Variants in KCNB2 observed in about 807,000 individuals in gnomAD.
The protein encoded by KCNB2 is delayed rectifier potassium channel protein.
Under a neutral mutation model 61.5 loss-of-function variants are expected in KCNB2, and 15 were observed. The ratio of observed to expected loss-of-function variants is 0.24; its 90% CI spans 0.16 to 0.38. KCNB2 has a LOEUF of 0.38. Among genes scored for constraint, KCNB2 ranks in the 10% least tolerant of loss-of-function variants. The probability of loss-of-function intolerance (pLI) is 1.00; values close to 1 mark genes in which losing one functional copy is unlikely to be tolerated. For synonymous variants in KCNB2, 457 were observed against 446.0 expected, an observed-to-expected ratio of 1.02 and a Z score of -0.31; for missense variants, 828 against 1,125.2, an observed-to-expected ratio of 0.74 and a Z score of 3.78.
intron 2 of KCNB2, among the ~76,000 whole-genome samples, chr8:72,884,816 A>G (rs577316925): frequency 6.6e-6 from 1 of 152,288 alleles, no homozygotes; most frequent in African/African-American, 2.4e-5. Flanking sequence ...TTAGTCACCA[A>G]GACTTCATAA....
At chr8:72,669,611 A>G (rs901380073) in intron 2 of KCNB2, among the ~76,000 whole-genome samples, 2 of 152,222 alleles carry the variant, frequency 1.3e-5, no homozygotes, top group African/African-American at 2.4e-5. Context: ...TTTTATTGTA[A>G]TGAAATCACG....
chr8:72,683,367 T>TAGAA (rs758152130), intron 2 of KCNB2, among the ~76,000 whole-genome samples: 1 of 152,174 alleles, frequency 6.6e-6, no homozygotes, highest in Non-Finnish European at 1.5e-5. Flanking sequence ...CAGGCCAGTA[T>TAGAA]AGAAAGAAAG....
chr8:72,936,129 A>C lies in KCNB2; in HGVS notation c.774A>C (p.Lys258Asn). 1 of 1,614,214 alleles carries C rather than the reference A, an allele frequency of 6.2e-7. No homozygotes were observed. The highest frequency in any genetic ancestry group is 1.1e-5 in the South Asian group (1 of 91,080). ...YLLRFLSSPN[K>N]WKFFKGPLNV... is the part of the protein sequence containing the mutation. ...TGCGATTCTTATCCTCACCAAATAA[A>C]TGGAAGTTCTTCAAAGGCCCACTGA... Residue 258 changes from lysine (K) to asparagine (N), a missense_variant, in exon 3 of 3, where the codon AAA becomes AAC. By Grantham distance (94) the Lys-to-Asn change is moderately conservative. Transcript: ENST00000523207. The surrounding 1 kb of genome is among the most constrained non-coding windows in gnomAD (Gnocchi z 5.6).
At chr8:72,639,393 C>T (rs1806017160) in intron 2 of KCNB2, among the ~76,000 whole-genome samples, 1 of 152,176 alleles carries the variant, frequency 6.6e-6, no homozygotes. Context: ...TTTCAGCTCT[C>T]ATGAAGTCAT....
Position 72,767,418 on chromosome 8 carries a change from T to C in KCNB2, c.580-168517T>C, listed in dbSNP as rs995374202. Among the ~76,000 whole-genome samples the C allele has an allele frequency of 8.5e-5, 13 of 152,140 alleles. No homozygotes were observed. The South Asian group carries it at 2.7e-3, about 32-fold the overall frequency. On this transcript the variant is annotated intron_variant, in intron 2 of 2. Coordinates refer to ENST00000523207, the MANE Select transcript of KCNB2 (RefSeq NM_004770.3). ...TGCTTATTAAAGAGTCACCTCATCCTCTCTCCCTCCCCAGCACTAGGTGAC... is the reference window on the plus strand; with the variant it reads ...TGCTTATTAAAGAGTCACCTCATCCCCTCTCCCTCCCCAGCACTAGGTGAC...
intron 2 of KCNB2, among the ~76,000 whole-genome samples, chr8:72,889,301 G>A (rs933293661): frequency 6.6e-6 from 1 of 152,168 alleles, no homozygotes; most frequent in Non-Finnish European, 1.5e-5. Context: ...GGCATTAAAG[G>A]ATAAGGTAGG....
At chr8:72,917,873 G>T (rs74942002) in intron 2 of KCNB2, among the ~76,000 whole-genome samples, 7,511 of 152,250 alleles carry the variant, frequency 0.049, 222 homozygotes, top group Non-Finnish European at 0.064. Flanking sequence ...CAGGTTGGTA[G>T]AACAGGAGGT....
At chr8:72,727,719 T>C (rs1348401172) in intron 2 of KCNB2, among the ~76,000 whole-genome samples, 1 of 152,150 alleles carries the variant, frequency 6.6e-6, no homozygotes, top group Non-Finnish European at 1.5e-5. Flanking sequence ...GGCACACAAA[T>C]TCATAGTACA....
At chr8:72,743,562 A>G (rs1808003570) in intron 2 of KCNB2, among the ~76,000 whole-genome samples, 1 of 152,242 alleles carries the variant, frequency 6.6e-6, no homozygotes, top group African/African-American at 2.4e-5. Context: ...TGTTGAACAA[A>G]TTCCAATCCA....
At chr8:72,687,131 A>G (rs1026079980) in intron 2 of KCNB2, among the ~76,000 whole-genome samples, 2 of 152,234 alleles carry the variant, frequency 1.3e-5, no homozygotes, top group Non-Finnish European at 2.9e-5. Flanking sequence ...GAATGAATTA[A>G]TATGATTCAA....
Position 72,706,821 on chromosome 8 carries a change from A to G in KCNB2, c.579+138508A>G, listed in dbSNP as rs1807233309. On this transcript the variant is annotated intron_variant, in intron 2 of 2. Transcript: ENST00000523207. ...ATTGCTTTAAATCACATACTTCTCA[A>G]AAACATATTTCCAGAAATTAACCTG... 1.3e-5 allele frequency among the ~76,000 whole-genome samples: 2 copies of G among 152,224 alleles called. 1 individual carries two copies. The highest frequency in any genetic ancestry group is 4.1e-4 in the South Asian group (2 of 4,822).
chr8:72,921,271 C>A (rs931731420), intron 2 of KCNB2, among the ~76,000 whole-genome samples: 1 of 152,134 alleles, frequency 6.6e-6, no homozygotes, highest in Non-Finnish European at 1.5e-5. Context: ...ATTCTACTCT[C>A]ATCTGTTCTA....
chr8:72,711,207 T>C (rs1460831240), intron 2 of KCNB2, among the ~76,000 whole-genome samples: 2 of 152,236 alleles, frequency 1.3e-5, no homozygotes, highest in African/African-American at 4.8e-5. Flanking sequence ...GTGGTACCTT[T>C]TGCTTCCACA....
rs142317154 is a variant in KCNB2, at chr8:72,650,489, A to T, written c.579+82176A>T. Among the ~76,000 whole-genome samples, 74 of 152,312 alleles carry T rather than the reference A, an allele frequency of 4.9e-4. No homozygotes were observed. In the East Asian group the frequency reaches 8.7e-3, roughly 18 times the overall value. ...TCATTTAATCTTTCCAACAATCTCCATATCACTGATGAAGAAACTAAGATT... is the reference window on the plus strand; with the variant it reads ...TCATTTAATCTTTCCAACAATCTCCTTATCACTGATGAAGAAACTAAGATT... On this transcript the variant is annotated intron_variant, in intron 2 of 2. Coordinates refer to ENST00000523207, the MANE Select transcript of KCNB2 (RefSeq NM_004770.3).
chr8:72,626,902 A>ATT, intron 2 of KCNB2, among the ~76,000 whole-genome samples: 1 of 152,238 alleles, frequency 6.6e-6, no homozygotes, highest in African/African-American at 2.4e-5. Context: ...AGTTTAAGAA[A>ATT]GAGGCAAGAT....
intron 2 of KCNB2, among the ~76,000 whole-genome samples, chr8:72,579,853 A>G (rs1806862750): frequency 6.6e-6 from 1 of 152,188 alleles, no homozygotes; most frequent in Non-Finnish European, 1.5e-5. Context: ...TTCTTTTCTA[A>G]CAATACTGCT....
At chr8:72,868,591 C>CA (rs969110097) in intron 2 of KCNB2, among the ~76,000 whole-genome samples, 8 of 150,890 alleles carry the variant, frequency 5.3e-5, no homozygotes, top group Middle Eastern at 3.4e-3. Context: ...ACAAAACAAA[C>CA]AAAAAAAACC....
chr8:72,760,248 C>G (rs941196461), intron 2 of KCNB2, among the ~76,000 whole-genome samples: 1 of 152,176 alleles, frequency 6.6e-6, no homozygotes, highest in Non-Finnish European at 1.5e-5. Flanking sequence ...TCTGAGCTTC[C>G]ATTCTCTTAA....
chr8:72,711,626 G>A (rs572152162), intron 2 of KCNB2, among the ~76,000 whole-genome samples: 2 of 152,340 alleles, frequency 1.3e-5, no homozygotes, highest in Admixed American at 6.5e-5. Context: ...ATGGTGCACA[G>A]GGTTCCTGAC....
Sources: gnomAD v4.1 joint callset for allele counts (sites outside exome capture counted in the v4.1 genomes callset) on GRCh38, gnomAD v4.1.1 for gene constraint, Gnocchi (gnomAD v3.1) non-coding constraint, MANE v1.5 for transcripts, NCBI Gene and HGNC (gene_info 2026-07-23, HGNC 2026-07-21) for gene names.